DYNLT5: variants seen among roughly 807,000 people sequenced by gnomAD.
DYNLT5 encodes the protein dynein light chain Tctex-type family member 5.
Under a neutral mutation model 19.3 loss-of-function variants are expected in DYNLT5, and 25 were observed. The observed-to-expected ratio is 1.30, with a 90% CI of 0.95 to 1.81. The LOEUF (loss-of-function observed/expected upper bound fraction) is 1.81, where lower values mean the gene tolerates loss of function less well. DYNLT5 is among the 40% of genes most tolerant of loss of function. The pLI is 0.00. For synonymous variants in DYNLT5, 82 were observed against 68.9 expected (o/e 1.19, Z -0.94); for missense variants, 232 against 217.9 (o/e 1.06, Z -0.41).
intron 2 of DYNLT5, among the ~76,000 whole-genome samples, chr1:66,756,141 A>G (rs983390634): frequency 9.9e-5 from 15 of 152,252 alleles, no homozygotes; most frequent in African/African-American, 3.6e-4. Flanking sequence ...AAGAATACAA[A>G]AATCATATTT....
intron 4 of DYNLT5, 151 bp downstream of exon 4, chr1:66,776,554 T>TGGGG (rs1236293681): frequency 6.2e-6 from 5 of 809,878 alleles, no homozygotes; most frequent in African/African-American, 5.7e-5. Context: ...TATATGTGTG[T>TGGGG]GTGTGGGTGT....
intron 1 of DYNLT5, among the ~76,000 whole-genome samples, chr1:66,754,162 C>G (rs1336753424): frequency 6.6e-6 from 1 of 152,082 alleles, no homozygotes; most frequent in Non-Finnish European, 1.5e-5. Flanking sequence ...AACGCTTGAG[C>G]CCAGGTGTTT....
rs540752023 is a variant in DYNLT5, at chr1:66,752,519, G to A, written c.-69G>A. On this transcript the variant is annotated 5_prime_UTR_variant, in exon 1 of 5. Coordinates refer to ENST00000282670, the MANE Select transcript of DYNLT5 (RefSeq NM_152665.3). Reference sequence around the variant, plus strand: ...GAATGAAGCCTGGGACGCGGGAGCCGCGCCGCGCGCAGTGTCTGCAGTGCC... The same window carrying A: ...GAATGAAGCCTGGGACGCGGGAGCCACGCCGCGCGCAGTGTCTGCAGTGCC... 5.7e-5 allele frequency: 56 copies of A among 985,594 alleles called. No individual in the cohort carries two copies. The African/African-American group carries it at 8.9e-4, about 16-fold the overall frequency. The allele number at this position is 985,594 out of a possible 1,614,324, so 61.1% of individuals were successfully genotyped here. A position where few individuals can be genotyped will look rare whatever the true frequency, so the allele number is the denominator to read the frequency against.
intron 2 of DYNLT5, among the ~76,000 whole-genome samples, chr1:66,759,728 A>G (rs888362312): frequency 2.0e-5 from 3 of 152,206 alleles, no homozygotes; most frequent in Non-Finnish European, 4.4e-5. Context: ...AATAATACCA[A>G]ATGTTGGCAA....
intron 2 of DYNLT5, 104 bp from the exon 3 acceptor site, chr1:66,770,283 T>C: frequency 1.3e-6 from 1 of 780,924 alleles, no homozygotes; most frequent in Non-Finnish European, 2.1e-6. Context: ...CTTGAAATTT[T>C]CTGAGAAAAC....
intron 3 of DYNLT5, 33 bp from the exon 4 acceptor site, chr1:66,776,246 C>T: frequency 6.2e-7 from 1 of 1,605,438 alleles, no homozygotes; most frequent in Non-Finnish European, 8.5e-7. Flanking sequence ...TTTGAAATTA[C>T]TTTTTAGAAA....
At chr1:66,770,664 TTACTTTTCTTTAC>T in intron 3 of DYNLT5, 186 bp downstream of exon 3, 2 of 678,900 alleles carry the variant, frequency 2.9e-6, no homozygotes, top group Non-Finnish European at 2.7e-6. Context: ...ACTTGCTGTC[TTACTTTTCTTTAC>T]TAATGTTTCC....
rs1453120669 is a variant in DYNLT5, at chr1:66,778,991, AT to A, written c.*1538del. On this transcript the variant is annotated 3_prime_UTR_variant, in exon 5 of 5. Transcript: ENST00000282670. Reference sequence around the variant, plus strand: ...CCTTCGTGGAACAACAGCGGGGGTAATCATATCACTAATTTTGTATGAATAA... The same window carrying A: ...CCTTCGTGGAACAACAGCGGGGGTAACATATCACTAATTTTGTATGAATAA... Among the ~76,000 whole-genome samples, 11 of 152,326 alleles carry A rather than the reference AT, an allele frequency of 7.2e-5. No individual in the cohort carries two copies. The highest frequency in any genetic ancestry group is 2.6e-4 in the African/African-American group (11 of 41,574).
At chr1:66,761,844 C>A (rs2094646525) in intron 2 of DYNLT5, among the ~76,000 whole-genome samples, 1 of 152,178 alleles carries the variant, frequency 6.6e-6, no homozygotes, top group African/African-American at 2.4e-5. Flanking sequence ...CATCAATGGA[C>A]TCTTCCTTTC....
At chr1:66,754,617 A>T in intron 1 of DYNLT5, 39 bp from the exon 2 acceptor site, 1 of 1,565,174 alleles carries the variant, frequency 6.4e-7, no homozygotes, top group East Asian at 2.3e-5. Flanking sequence ...ATGTTTCCGG[A>T]TCTTTCTTTT....
chr1:66,773,466 C>A (rs1186657137), intron 3 of DYNLT5, among the ~76,000 whole-genome samples: 1 of 152,184 alleles, frequency 6.6e-6, no homozygotes, highest in African/African-American at 2.4e-5. Flanking sequence ...CTCACTGTCT[C>A]CAGACTTACG....
intron 2 of DYNLT5, among the ~76,000 whole-genome samples, chr1:66,765,285 G>A (rs2094652772): frequency 6.6e-6 from 1 of 152,120 alleles, no homozygotes; most frequent in South Asian, 2.1e-4. Context: ...GCATTTCATA[G>A]TTACAAATAG....
Position 66,779,006 on chromosome 1 carries a change from T to A in DYNLT5, c.*1552T>A, listed in dbSNP as rs1645254590. 6.6e-6 allele frequency among the ~76,000 whole-genome samples: 1 copy of A among 152,236 alleles called. No homozygotes were observed. ...AGCGGGGGTAATCATATCACTAATTTTGTATGAATAAATGAAAATGAAGAA... is the reference window on the plus strand; with the variant it reads ...AGCGGGGGTAATCATATCACTAATTATGTATGAATAAATGAAAATGAAGAA... On this transcript the variant is annotated 3_prime_UTR_variant, in exon 5 of 5. Coordinates refer to ENST00000282670, the MANE Select transcript of DYNLT5 (RefSeq NM_152665.3).
chr1:66,756,703 A>C (rs998779204), intron 2 of DYNLT5, among the ~76,000 whole-genome samples: 1 of 152,206 alleles, frequency 6.6e-6, no homozygotes, highest in Non-Finnish European at 1.5e-5. Flanking sequence ...AATTTGACTT[A>C]ATGATTAGGA....
At chr1:66,763,369 A>G (rs1572546403) in intron 2 of DYNLT5, among the ~76,000 whole-genome samples, 1 of 152,208 alleles carries the variant, frequency 6.6e-6, no homozygotes, top group East Asian at 1.9e-4. Flanking sequence ...GCTTGAACTT[A>G]AAGGCACAAG....
At chr1:66,766,894 C>T (rs2094656234) in intron 2 of DYNLT5, among the ~76,000 whole-genome samples, 2 of 152,062 alleles carry the variant, frequency 1.3e-5, no homozygotes, top group Non-Finnish European at 2.9e-5. Flanking sequence ...TAAGAATTTC[C>T]AGGCTTCACA....
intron 3 of DYNLT5, among the ~76,000 whole-genome samples, chr1:66,774,676 C>G (rs1461243144): frequency 6.7e-6 from 1 of 148,196 alleles, no homozygotes; most frequent in Non-Finnish European, 1.5e-5. Context: ...ATTCTTCAAC[C>G]AAAGGACAGA....
chr1:66,753,801 T>C (rs913217183), intron 1 of DYNLT5, among the ~76,000 whole-genome samples: 1 of 151,230 alleles, frequency 6.6e-6, no homozygotes, highest in African/African-American at 2.4e-5. Flanking sequence ...TGTTTAAAAA[T>C]TAGCTAGGCA....
chr1:66,765,282 A>T (rs949487683), intron 2 of DYNLT5, among the ~76,000 whole-genome samples: 1 of 152,238 alleles, frequency 6.6e-6, no homozygotes, highest in Non-Finnish European at 1.5e-5. Flanking sequence ...CAGGCATTTC[A>T]TAGTTACAAA....
Sources: allele counts gnomAD v4.1 joint callset (sites outside exome capture counted in the v4.1 genomes callset), GRCh38; gene constraint gnomAD v4.1.1; transcripts MANE v1.5; gene names NCBI Gene and HGNC (gene_info 2026-07-23, HGNC 2026-07-21).